Variants in PARP15 observed in about 807,000 individuals in gnomAD.
PARP15 encodes protein mono-ADP-ribosyltransferase PARP15.
A neutral mutation model predicts 62.1 loss-of-function variants in PARP15; 50 were observed. The ratio of observed to expected loss-of-function variants is 0.81; its 90% CI spans 0.64 to 1.02. PARP15 has a LOEUF of 1.02. PARP15 is among the 50% of genes least tolerant of loss of function. The pLI is 0.00. For missense variants in PARP15, 820 were observed against 826.5 expected, an observed-to-expected ratio of 0.99 and a Z score of 0.10; for synonymous variants, 309 against 293.1, an observed-to-expected ratio of 1.05 and a Z score of -0.55.
rs114962795 is a variant in PARP15 at position 122,633,813 on chromosome 3, G to T, written c.1573-1207G>T. ...GAAGTGCAAGAACCTCATTTCAATTGTGTTTACACAATATCTGTGACTTTC... is the reference window on the plus strand; with the variant it reads ...GAAGTGCAAGAACCTCATTTCAATTTTGTTTACACAATATCTGTGACTTTC... On this transcript the variant is annotated intron_variant, in intron 10 of 11. Transcript: ENST00000464300. Among the ~76,000 whole-genome samples, 971 of 152,270 alleles carry T rather than the reference G, an allele frequency of 6.4e-3. 7 individuals are homozygous for T. Among genetic ancestry groups the T allele is most frequent in the African/African-American group, 0.022 (917 of 41,558 alleles).
chr3:122,588,165 C>A (rs1385977521), intron 1 of PARP15, among the ~76,000 whole-genome samples: 1 of 152,020 alleles, frequency 6.6e-6, no homozygotes, highest in Non-Finnish European at 1.5e-5. Context: ...TATAGTTGAT[C>A]ATGTTAGTGT....
chr3:122,632,000 C>T lies in PARP15; in HGVS notation c.1439-86C>T, dbSNP rs934999608. The T allele has an allele frequency of 6.3e-5, 93 of 1,475,962 alleles. 1 individual carries two copies. The highest frequency in any genetic ancestry group is 2.1e-4 in the South Asian group (18 of 86,792). The allele number at this position is 1,475,962 out of a possible 1,614,324, so 91.4% of individuals were successfully genotyped here. On this transcript the variant is annotated intron_variant, in intron 9 of 11. Transcript: ENST00000464300. The stretch of plus-strand genomic sequence containing the variant: ...TCCTTTAAAGACCAGGTTTGGATGA[C>T]GAGAGACAAGTGCAGAGGAGGTGCC...
intron 5 of PARP15, 75 bp from the exon 6 acceptor site, chr3:122,616,940 A>C: frequency 6.7e-7 from 1 of 1,492,368 alleles, no homozygotes; most frequent in Non-Finnish European, 9.1e-7. Context: ...TGGGAAGAGA[A>C]TAGGGCCCCA....
At chr3:122,599,193 G>T (rs1195849202) in intron 1 of PARP15, among the ~76,000 whole-genome samples, 1 of 152,198 alleles carries the variant, frequency 6.6e-6, no homozygotes, top group Non-Finnish European at 1.5e-5. Flanking sequence ...ACCACACCCA[G>T]CCTGTCCTTT....
intron 1 of PARP15, among the ~76,000 whole-genome samples, chr3:122,584,770 G>A (rs536875965): frequency 1.1e-4 from 16 of 151,964 alleles, no homozygotes; most frequent in East Asian, 1.9e-4. Flanking sequence ...TGGAGACGGC[G>A]TTTCACCACG....
chr3:122,600,792 C>CCTT (rs527288579), intron 1 of PARP15, among the ~76,000 whole-genome samples: 7,051 of 144,118 alleles, frequency 0.049, 273 homozygotes, highest in African/African-American at 0.11. Flanking sequence ...TCATTATTAC[C>CCTT]TTTTTTTTTT....
rs1401682836 is a variant in PARP15 at position 122,606,026 on chromosome 3, T to C, written c.277T>C (p.Leu93=). The part of the protein sequence containing the change: ...IQTKEGLNLK[L]ISGDVLYIWA... ...AACCAAAGAAGGTCTGAATCTCAAG[T>C]TGATAAGTGGAGATGTTCTGTACAT... Residue 93 remains leucine (L), a synonymous_variant, in exon 2 of 12, where the codon TTG becomes CTG. Coordinates refer to ENST00000464300, the MANE Select transcript of PARP15 (RefSeq NM_001113523.3). 1 of 1,552,062 alleles carries C rather than the reference T, an allele frequency of 6.4e-7. No individual in the cohort carries two copies. Among genetic ancestry groups the C allele is most frequent in the South Asian group, 1.2e-5 (1 of 84,040 alleles).
At chr3:122,632,681 A>T (rs1017538699) in intron 10 of PARP15, among the ~76,000 whole-genome samples, 1 of 152,228 alleles carries the variant, frequency 6.6e-6, no homozygotes, top group African/African-American at 2.4e-5. Flanking sequence ...TCTCATTCAC[A>T]ACCCATAGAA....
chr3:122,620,893 G>A (rs1160205071), intron 7 of PARP15, among the ~76,000 whole-genome samples: 1 of 152,188 alleles, frequency 6.6e-6, no homozygotes, highest in African/African-American at 2.4e-5. Flanking sequence ...CCTTAAAATG[G>A]CCCTCATAAT....
rs1340637888 is a variant in PARP15, at chr3:122,614,536, G to GT, written c.772-1236dup. On this transcript the variant is annotated intron_variant, in intron 4 of 11. Coordinates refer to ENST00000464300, the MANE Select transcript of PARP15 (RefSeq NM_001113523.3). The stretch of plus-strand genomic sequence containing the variant: ...CAACATTTACCCCCAAAGGTTCTTA[G>GT]TTTTTTTCCCCCGGTAAATATAAAA... Among the ~76,000 whole-genome samples the GT allele has an allele frequency of 2.6e-5, 4 of 152,002 alleles. No homozygotes were observed. In the East Asian group the frequency reaches 5.8e-4, roughly 22 times the overall value.
At chr3:122,630,548 A>G (rs1474026489) in intron 9 of PARP15, among the ~76,000 whole-genome samples, 1 of 152,050 alleles carries the variant, frequency 6.6e-6, no homozygotes, top group Non-Finnish European at 1.5e-5. Context: ...GCATAGTGGC[A>G]TGTGCCTGTA....
intron 8 of PARP15, among the ~76,000 whole-genome samples, chr3:122,624,571 AG>A (rs1374517383): frequency 5.9e-5 from 9 of 152,200 alleles, no homozygotes; most frequent in Non-Finnish European, 1.2e-4. Context: ...AGATCCTGAG[AG>A]GAGCCCTAAT....
chr3:122,593,116 C>G (rs999608494), intron 1 of PARP15, among the ~76,000 whole-genome samples: 5 of 105,954 alleles, frequency 4.7e-5, no homozygotes, highest in African/African-American at 8.4e-5. Flanking sequence ...ATCTATCTAT[C>G]TATCTATGTA....
At chr3:122,631,564 G>A (rs1401656606) in intron 9 of PARP15, among the ~76,000 whole-genome samples, 1 of 152,136 alleles carries the variant, frequency 6.6e-6, no homozygotes, top group African/African-American at 2.4e-5. Context: ...AGGAAACCCG[G>A]GCATGATCAC....
chr3:122,593,173 C>T (rs975901265), intron 1 of PARP15, among the ~76,000 whole-genome samples: 2 of 124,496 alleles, frequency 1.6e-5, no homozygotes, highest in Non-Finnish European at 3.6e-5. Context: ...GAGTCTCCCT[C>T]TGTCGTCCAG....
intron 2 of PARP15, among the ~76,000 whole-genome samples, chr3:122,606,375 C>A (rs1389900545): frequency 6.6e-6 from 1 of 152,198 alleles, no homozygotes; most frequent in Non-Finnish European, 1.5e-5. Context: ...CACCAGTCAG[C>A]ATTAGTGAGG....
intron 4 of PARP15, chr3:122,615,392 GC>G (rs895914296): frequency 7.7e-7 from 1 of 1,297,798 alleles, no homozygotes; most frequent in Non-Finnish European, 1.0e-6. Context: ...TTGTTGCCCT[GC>G]CCCCTGCTCA....
At position 122,632,903 on chromosome 3, in the gene PARP15, G is replaced by T. The variant is rs531761721; in HGVS notation, c.1572+684G>T. Among the ~76,000 whole-genome samples, 7 of 152,336 alleles carry T rather than the reference G, an allele frequency of 4.6e-5. No individual in the cohort carries two copies. In the East Asian group the frequency reaches 1.2e-3, roughly 25 times the overall value. ...GCCAATCCCACTCAAACCAGAGGTT[G>T]CTGATGGGGTAGAATGCATGTTTAG... On this transcript the variant is annotated intron_variant, in intron 10 of 11. Coordinates refer to ENST00000464300, the MANE Select transcript of PARP15 (RefSeq NM_001113523.3).
chr3:122,607,972 C>G (rs1935267913), intron 2 of PARP15, among the ~76,000 whole-genome samples: 1 of 152,180 alleles, frequency 6.6e-6, no homozygotes. Flanking sequence ...CTCTACATCA[C>G]TGTTTGATAT....
Sources: gnomAD v4.1 joint callset for allele counts (sites outside exome capture counted in the v4.1 genomes callset) on GRCh38, gnomAD v4.1.1 for gene constraint, MANE v1.5 for transcripts, NCBI Gene and HGNC (gene_info 2026-07-23, HGNC 2026-07-21) for gene names.